Variants in SND1 observed in about 807,000 individuals in gnomAD.
SND1 encodes staphylococcal nuclease and tudor domain containing 1.
In SND1, 38 loss-of-function variants were observed where a neutral mutation model predicts 121.7. The observed-to-expected ratio is 0.31, with a 90% CI of 0.24 to 0.41. The LOEUF (loss-of-function observed/expected upper bound fraction) is 0.41. Ranked by LOEUF, SND1 falls within the 10% of genes least tolerant of loss-of-function variation. The pLI is 1.00. For missense variants in SND1, 868 were observed against 1,184.6 expected, an observed-to-expected ratio of 0.73 and a Z score of 3.92; for synonymous variants, 401 against 447.4, an observed-to-expected ratio of 0.90 and a Z score of 1.31.
At chr7:127,751,022 G>C (rs1191760405) in intron 10 of SND1, among the ~76,000 whole-genome samples, 1 of 151,990 alleles carries the variant, frequency 6.6e-6, no homozygotes, top group East Asian at 1.9e-4. Flanking sequence ...GAATTTTTTT[G>C]GTTTCCTGAT....
chr7:127,966,066 G>C (rs1801844449), intron 15 of SND1, among the ~76,000 whole-genome samples: 1 of 137,986 alleles, frequency 7.2e-6, no homozygotes, highest in African/African-American at 2.8e-5. Context: ...AGTATTCTCT[G>C]ATGGTAGTTT....
At chr7:127,856,735 C>G (rs557296559) in intron 12 of SND1, among the ~76,000 whole-genome samples, 1 of 152,194 alleles carries the variant, frequency 6.6e-6, no homozygotes, top group Non-Finnish European at 1.5e-5. Flanking sequence ...TAAGCCATCA[C>G]GCATTAGGTC....
intron 15 of SND1, among the ~76,000 whole-genome samples, chr7:127,972,656 C>T (rs191679216): frequency 6.6e-5 from 10 of 152,086 alleles, no homozygotes; most frequent in Admixed American, 2.0e-4. Context: ...CTCTGCTCGC[C>T]GCAACCTCTG....
In SND1 at chr7:127,670,859, AT is replaced by A. The variant is rs1795503494; in HGVS notation, c.79-15752del. ...TAAAAAAAAAAAAAACCATGAGATA[AT>A]TGGCATAGGAAGGAAAAGGGATATC... On this transcript the variant is annotated intron_variant, in intron 1 of 23. Coordinates refer to ENST00000354725, the MANE Select transcript of SND1 (RefSeq NM_014390.4). 2.6e-5 allele frequency among the ~76,000 whole-genome samples: 4 copies of A among 152,142 alleles called. No homozygotes were observed. In the South Asian group the frequency reaches 8.3e-4, roughly 32 times the overall value.
intron 15 of SND1, among the ~76,000 whole-genome samples, chr7:127,973,064 A>T (rs1394056028): frequency 6.6e-6 from 1 of 152,194 alleles, no homozygotes; most frequent in Non-Finnish European, 1.5e-5. Context: ...GTCTGAGAAG[A>T]GGTGTGCAGC....
chr7:127,956,261 C>A (rs1801589570), intron 15 of SND1, among the ~76,000 whole-genome samples: 1 of 152,190 alleles, frequency 6.6e-6, no homozygotes, highest in Non-Finnish European at 1.5e-5. Context: ...CTGCTCCCGC[C>A]TCCTTGCTCT....
At chr7:127,896,759 G>A (rs2116749443) in intron 13 of SND1, among the ~76,000 whole-genome samples, 1 of 152,174 alleles carries the variant, frequency 6.6e-6, no homozygotes, top group South Asian at 2.1e-4. Flanking sequence ...CCCTTCCTCA[G>A]ACTCTGAGTT....
chr7:127,719,369 C>A (rs1796448569), intron 9 of SND1, among the ~76,000 whole-genome samples: 1 of 152,148 alleles, frequency 6.6e-6, no homozygotes, highest in African/African-American at 2.4e-5. Flanking sequence ...TTTGGTTATA[C>A]TGTCTAGACA....
chr7:127,761,263 A>G (rs1018798132), intron 10 of SND1, among the ~76,000 whole-genome samples: 1 of 152,196 alleles, frequency 6.6e-6, no homozygotes, highest in Non-Finnish European at 1.5e-5. Flanking sequence ...GGTTTTGGGG[A>G]GGACAGCATT....
At chr7:127,852,202 A>T (rs868496865) in intron 12 of SND1, among the ~76,000 whole-genome samples, 14 of 150,774 alleles carry the variant, frequency 9.3e-5, no homozygotes, top group Admixed American at 2.0e-4. Context: ...TAAAATAAAT[A>T]AAAAAAATAA....
At position 127,838,982 on chromosome 7, in the gene SND1, C is replaced by T. The variant is rs530600126; in HGVS notation, c.1243-5342C>T. 2.6e-5 allele frequency among the ~76,000 whole-genome samples: 4 copies of T among 152,300 alleles called. No individual in the cohort carries two copies. In the East Asian group the frequency reaches 5.8e-4, roughly 22 times the overall value. On this transcript the variant is annotated intron_variant, in intron 11 of 23. Coordinates refer to ENST00000354725, the MANE Select transcript of SND1 (RefSeq NM_014390.4). ...TGTATCTTCCTACAGCAGTGAGATA[C>T]GCACAGTAAATGTGTTAAACATAAG...
chr7:127,860,179 T>A (rs1296079873), intron 12 of SND1, among the ~76,000 whole-genome samples: 1 of 152,202 alleles, frequency 6.6e-6, no homozygotes, highest in East Asian at 1.9e-4. Flanking sequence ...AACATTATGC[T>A]TCCTTAATGT....
rs139073381 is a variant in SND1, at chr7:128,075,904, T to C, written c.1968+1214T>C. 3.4e-3 allele frequency among the ~76,000 whole-genome samples: 520 copies of C among 152,316 alleles called. 2 individuals are homozygous for C. The highest frequency in any genetic ancestry group is 0.011 in the African/African-American group (475 of 41,572). ...GATTTCCTGCTTGTGACAGCTGAAC[T>C]TAAGACTGCCACCCCCATGTCCTCT... On this transcript the variant is annotated intron_variant, in intron 17 of 23. Coordinates refer to ENST00000354725, the MANE Select transcript of SND1 (RefSeq NM_014390.4).
chr7:127,951,269 C>T (rs1346829870), intron 15 of SND1, among the ~76,000 whole-genome samples: 3 of 152,156 alleles, frequency 2.0e-5, no homozygotes, highest in South Asian at 2.1e-4. Context: ...CTGCCATTTA[C>T]GACAACATGG....
intron 16 of SND1, among the ~76,000 whole-genome samples, chr7:128,046,908 C>A (rs535873846): frequency 6.6e-6 from 1 of 152,230 alleles, no homozygotes; most frequent in Admixed American, 6.5e-5. Flanking sequence ...GTAGGAATTT[C>A]AGAATATTGT....
intron 10 of SND1, among the ~76,000 whole-genome samples, chr7:127,732,212 G>T (rs1463290872): frequency 6.6e-6 from 1 of 152,202 alleles, no homozygotes; most frequent in Non-Finnish European, 1.5e-5. Context: ...TATCTGAATG[G>T]TAAGAGTATA....
intron 15 of SND1, among the ~76,000 whole-genome samples, chr7:127,961,306 T>C (rs562647665): frequency 6.6e-6 from 1 of 152,344 alleles, no homozygotes; most frequent in South Asian, 2.1e-4. Flanking sequence ...GAGGATTTTT[T>C]TCATACAGTA....
At chr7:127,655,750 A>G (rs1795199621) in intron 1 of SND1, among the ~76,000 whole-genome samples, 1 of 152,230 alleles carries the variant, frequency 6.6e-6, no homozygotes, top group Admixed American at 6.5e-5. Context: ...GGTACTTAGT[A>G]TAAATTGAGT....
chr7:127,675,061 C>T (rs1442618963), intron 1 of SND1, among the ~76,000 whole-genome samples: 1 of 152,152 alleles, frequency 6.6e-6, no homozygotes, highest in Non-Finnish European at 1.5e-5. Flanking sequence ...ATTAGCTGCA[C>T]TTGGTGGCAC....
Sources: gnomAD v4.1 joint callset for allele counts (sites outside exome capture counted in the v4.1 genomes callset) on GRCh38, gnomAD v4.1.1 for gene constraint, MANE v1.5 for transcripts, NCBI Gene and HGNC (gene_info 2026-07-23, HGNC 2026-07-21) for gene names.